The following SCFD2 variants were observed in gnomAD, a reference collection of about 807,000 sequenced individuals.
SCFD2 encodes sec1 family domain containing 2.
In SCFD2, 54 loss-of-function variants were observed where a neutral mutation model predicts 58.9. The observed-to-expected ratio is 0.92, with a 90% CI of 0.74 to 1.15. SCFD2 has a LOEUF of 1.15. Ranked by LOEUF, SCFD2 falls within the 50% of genes most tolerant of loss-of-function variation. SCFD2 has a pLI of 0.00. For synonymous variants in SCFD2, 321 were observed against 335.9 expected (o/e 0.96, Z 0.49); for missense variants, 805 against 836.6 (o/e 0.96, Z 0.47).
intron 5 of SCFD2, among the ~76,000 whole-genome samples, chr4:53,117,682 A>G (rs1237020780): frequency 1.3e-5 from 2 of 152,156 alleles, no homozygotes; most frequent in African/African-American, 4.8e-5. Flanking sequence ...TGCACACTAG[A>G]GAAGGAACTC....
intron 6 of SCFD2, among the ~76,000 whole-genome samples, chr4:52,919,792 G>A (rs901676790): frequency 2.6e-5 from 4 of 152,230 alleles, no homozygotes; most frequent in African/African-American, 9.6e-5. Context: ...ACTGGAGGAA[G>A]AATCTGGATT....
intron 5 of SCFD2, among the ~76,000 whole-genome samples, chr4:53,088,927 T>G (rs955695799): frequency 6.6e-6 from 1 of 152,050 alleles, no homozygotes; most frequent in African/African-American, 2.4e-5. Context: ...GGCACTTTGG[T>G]AGGTGATAAG....
At chr4:53,093,925 G>A (rs567511649) in intron 5 of SCFD2, among the ~76,000 whole-genome samples, 30 of 152,052 alleles carry the variant, frequency 2.0e-4, no homozygotes, top group Non-Finnish European at 3.8e-4. Flanking sequence ...TAAACTTTTG[G>A]ATTTTGAACT....
intron 7 of SCFD2, among the ~76,000 whole-genome samples, chr4:52,887,896 CTTTTTTTTT>C (rs71195133): frequency 2.4e-5 from 2 of 81,646 alleles, no homozygotes; most frequent in Non-Finnish European, 4.4e-5. Flanking sequence ...ACATCTTATT[CTTTTTTTTT>C]TTTTTTTTTT....
At chr4:52,968,976 G>A (rs574519082) in intron 5 of SCFD2, among the ~76,000 whole-genome samples, 35 of 152,264 alleles carry the variant, frequency 2.3e-4, no homozygotes, top group African/African-American at 8.4e-4. Flanking sequence ...CATCAGTTTA[G>A]CAAGAACCGC....
intron 5 of SCFD2, among the ~76,000 whole-genome samples, chr4:53,102,240 T>G (rs1240101345): frequency 4.6e-5 from 7 of 152,186 alleles, no homozygotes; most frequent in African/African-American, 1.7e-4. Context: ...CCATTCCTCA[T>G]GTCATCCAGT....
intron 5 of SCFD2, among the ~76,000 whole-genome samples, chr4:52,980,897 T>TTA (rs1721362717): frequency 6.6e-6 from 1 of 152,240 alleles, no homozygotes; most frequent in Admixed American, 6.5e-5. Flanking sequence ...GACTGTGAGT[T>TTA]CTTAGAGAGC....
chr4:52,975,692 T>G (rs1028506096), intron 5 of SCFD2, among the ~76,000 whole-genome samples: 11 of 152,290 alleles, frequency 7.2e-5, no homozygotes, highest in South Asian at 4.2e-4. Context: ...CAAAGGATTA[T>G]AAATCATGCT....
At chr4:53,203,705 C>T (rs183790734) in intron 4 of SCFD2, among the ~76,000 whole-genome samples, 1 of 152,040 alleles carries the variant, frequency 6.6e-6, no homozygotes, top group Non-Finnish European at 1.5e-5. Context: ...AGAAACAAAC[C>T]TACTTATACT....
Position 53,281,545 on chromosome 4 carries a change from G to A in SCFD2, c.1136-7544C>T, listed in dbSNP as rs188917471. Among the ~76,000 whole-genome samples, 3 of 152,242 alleles carry A rather than the reference G, an allele frequency of 2.0e-5. No homozygotes were observed. In the East Asian group the frequency reaches 5.8e-4, roughly 29 times the overall value. On this transcript the variant is annotated intron_variant, in intron 3 of 8. Coordinates refer to ENST00000401642, the MANE Select transcript of SCFD2 (RefSeq NM_152540.4). ...AAACAGAATCTTGAGTATGCCAGAT[G>A]GCTTATGAGTTTCGTAAATAATGTG...
intron 5 of SCFD2, among the ~76,000 whole-genome samples, chr4:53,132,003 T>C (rs748293889): frequency 6.6e-5 from 10 of 152,246 alleles, no homozygotes; most frequent in Non-Finnish European, 1.3e-4. Flanking sequence ...TTTGTACACA[T>C]ATAAATATTA....
chr4:53,345,151 A>C (rs1176546145), intron 2 of SCFD2, among the ~76,000 whole-genome samples: 1 of 152,200 alleles, frequency 6.6e-6, no homozygotes, highest in African/African-American at 2.4e-5. Flanking sequence ...CTACCACAAG[A>C]GTGAACAGGC....
chr4:53,301,049 C>T (rs1316359931), intron 3 of SCFD2, among the ~76,000 whole-genome samples: 3 of 152,004 alleles, frequency 2.0e-5, no homozygotes, highest in Admixed American at 6.6e-5. Flanking sequence ...ACTAGAGAAG[C>T]AAGAGCAAAC....
chr4:53,125,103 CAG>C (rs1227046169), intron 5 of SCFD2, among the ~76,000 whole-genome samples: 6 of 152,074 alleles, frequency 3.9e-5, no homozygotes, highest in Non-Finnish European at 7.4e-5. Context: ...TACTGAGGCA[CAG>C]GGGTCATTCT....
intron 5 of SCFD2, among the ~76,000 whole-genome samples, chr4:53,004,718 G>T (rs188613445): frequency 6.6e-6 from 1 of 152,254 alleles, no homozygotes; most frequent in East Asian, 1.9e-4. Context: ...ACGGTCGGAG[G>T]CATTCTAGAA....
chr4:53,035,527 A>G (rs1051612403), intron 5 of SCFD2, among the ~76,000 whole-genome samples: 3 of 152,214 alleles, frequency 2.0e-5, no homozygotes, highest in Admixed American at 6.5e-5. Flanking sequence ...CTATCATCAG[A>G]GTGAACAGGT....
intron 5 of SCFD2, among the ~76,000 whole-genome samples, chr4:52,971,972 A>AT (rs923716036): frequency 7.6e-4 from 115 of 152,222 alleles, no homozygotes; most frequent in Admixed American, 7.5e-3. Context: ...ATGCTGAGAG[A>AT]TTTTGTCACC....
chr4:53,016,031 T>G (rs563441017), intron 5 of SCFD2, among the ~76,000 whole-genome samples: 8 of 152,200 alleles, frequency 5.3e-5, no homozygotes, highest in Non-Finnish European at 1.2e-4. Flanking sequence ...AAACTGCTTC[T>G]TAACAGAGGG....
chr4:53,198,249 C>A (rs1728119506), intron 4 of SCFD2, among the ~76,000 whole-genome samples: 1 of 151,984 alleles, frequency 6.6e-6, no homozygotes, highest in Non-Finnish European at 1.5e-5. Context: ...AAGAATCAAA[C>A]CTCCTATCAT....
Sources: allele counts gnomAD v4.1 joint callset (sites outside exome capture counted in the v4.1 genomes callset), GRCh38; gene constraint gnomAD v4.1.1; transcripts MANE v1.5; gene names NCBI Gene and HGNC (gene_info 2026-07-23, HGNC 2026-07-21).